Variants in DDX60L observed in about 807,000 individuals in gnomAD.
DDX60L encodes probable ATP-dependent RNA helicase DDX60-like.
In DDX60L, 191 loss-of-function variants were observed where a neutral mutation model predicts 211.6. The ratio of observed to expected loss-of-function variants is 0.90; its 90% CI spans 0.80 to 1.02. The LOEUF (loss-of-function observed/expected upper bound fraction) is 1.02. Among genes scored for constraint, DDX60L ranks in the 50% least tolerant of loss-of-function variants. The pLI, the probability that DDX60L is intolerant of heterozygous loss-of-function variation, is 0.00. For synonymous variants in DDX60L, 706 were observed against 694.1 expected (o/e 1.02, Z -0.27); for missense variants, 2,007 against 1,984.1 (o/e 1.01, Z -0.22).
In DDX60L at chr4:168,465,909, C is replaced by G. The variant is rs1757933535; in HGVS notation, c.265-3869G>C. Reference sequence around the variant, plus strand: ...TGGGTTACTAGAGCTTTGTGGAATACTTTGAAATCTAGTAGTGAAATACCC... The same window carrying G: ...TGGGTTACTAGAGCTTTGTGGAATAGTTTGAAATCTAGTAGTGAAATACCC... On this transcript the variant is annotated intron_variant, in intron 4 of 37. Coordinates refer to ENST00000682922, the MANE Select transcript of DDX60L (RefSeq NM_001012967.3). Among the ~76,000 whole-genome samples, 3 of 152,172 alleles carry G rather than the reference C, an allele frequency of 2.0e-5. No homozygotes were observed. The South Asian group carries it at 6.2e-4, about 32-fold the overall frequency.
intron 7 of DDX60L, among the ~76,000 whole-genome samples, chr4:168,455,486 A>G (rs1175238589): frequency 6.6e-6 from 1 of 152,202 alleles, no homozygotes; most frequent in East Asian, 1.9e-4. Flanking sequence ...AATCATTACA[A>G]GCTGTGGAGC....
chr4:168,453,073 C>A, intron 8 of DDX60L, 51 bp downstream of exon 8: 2 of 1,519,298 alleles, frequency 1.3e-6, no homozygotes, highest in South Asian at 1.3e-5. Flanking sequence ...TAAAGGTGAT[C>A]ATGGTTTTCA....
At chr4:168,456,470 A>G (rs886300595) in intron 6 of DDX60L, among the ~76,000 whole-genome samples, 1 of 152,194 alleles carries the variant, frequency 6.6e-6, no homozygotes, top group Admixed American at 6.5e-5. Context: ...ATCCCATTTT[A>G]CTAAAAATCA....
chr4:168,461,044 G>A (rs971354605), intron 5 of DDX60L, among the ~76,000 whole-genome samples: 1 of 152,130 alleles, frequency 6.6e-6, no homozygotes, highest in South Asian at 2.1e-4. Flanking sequence ...TCCCAACCTG[G>A]GAGTTGAACA....
Position 168,375,530 on chromosome 4 carries a change from G to C in DDX60L, c.4486-6C>G, listed in dbSNP as rs373815155. 23 of 1,577,832 alleles carry C rather than the reference G, an allele frequency of 1.5e-5. No individual in the cohort carries two copies. The African/African-American group carries it at 2.7e-4, about 19-fold the overall frequency. On this transcript the variant is annotated splice_polypyrimidine_tract_variant and splice_region_variant and intron_variant, in intron 33 of 37. Coordinates refer to ENST00000682922, the MANE Select transcript of DDX60L (RefSeq NM_001012967.3). ...GGGAGTTCGGCAAGGATCACCTATG[G>C]GCGAAATACATTTCAGAAAGATCTC...
rs1741444636 is a variant in DDX60L at position 168,373,762 on chromosome 4, C to G, written c.4680G>C (p.Leu1560Phe). The G allele has an allele frequency of 6.2e-7, 1 of 1,614,076 alleles. No individual in the cohort carries two copies. The highest frequency in any genetic ancestry group is 1.7e-5 in the Admixed American group (1 of 60,014). The change falls in exon 35 of 38, where the codon TTG becomes TTC. Residue 1560 changes from leucine to phenylalanine, a missense_variant. Transcript: ENST00000682922. ...CTACTCTTCCTTTCTTGCAGCTCAT[C>G]AAGTGAGACACGAGTTGGGAGTCTT... Reference protein sequence around the residue: ...ECEDSQLVSHLMSCKKGRVAI... With the variant: ...ECEDSQLVSHFMSCKKGRVAI...
At chr4:168,395,930 C>A (rs1826028) in intron 27 of DDX60L, 29 bp downstream of exon 27, 826,835 of 1,445,978 alleles carry the variant, frequency 0.57, 237,748 homozygotes, top group East Asian at 0.61. Flanking sequence ...ACAACTGTAA[C>A]GTATTATATT....
chr4:168,397,546 T>A (rs1300590276), intron 26 of DDX60L, among the ~76,000 whole-genome samples: 1 of 152,216 alleles, frequency 6.6e-6, no homozygotes, highest in Non-Finnish European at 1.5e-5. Context: ...AGCAGATTTA[T>A]GAGCTAACAG....
At chr4:168,386,415 C>A (rs943294521) in intron 29 of DDX60L, among the ~76,000 whole-genome samples, 1 of 152,010 alleles carries the variant, frequency 6.6e-6, no homozygotes, top group Non-Finnish European at 1.5e-5. Context: ...ATGTCAAGGA[C>A]CAACTATTTG....
intron 34 of DDX60L, 108 bp from the exon 35 acceptor site, chr4:168,373,916 G>T: frequency 9.2e-7 from 1 of 1,089,412 alleles, no homozygotes; most frequent in Non-Finnish European, 1.3e-6. Flanking sequence ...CATCTCATCA[G>T]AATGAAAACT....
At chr4:168,456,963 G>A (rs1482197481) in intron 6 of DDX60L, among the ~76,000 whole-genome samples, 1 of 151,936 alleles carries the variant, frequency 6.6e-6, no homozygotes, top group African/African-American at 2.4e-5. Flanking sequence ...ATAATCCCAA[G>A]ACTTTGGGAG....
rs1561051219 is a variant in DDX60L, at chr4:168,427,281, C to T, written c.1719G>A (p.Lys573=). 6.2e-7 allele frequency: 1 copy of T among 1,613,628 alleles called. No individual in the cohort carries two copies. Among genetic ancestry groups the T allele is most frequent in the South Asian group, 1.1e-5 (1 of 91,052 alleles). The change falls in exon 14 of 38, where the codon AAG becomes AAA. Residue 573 remains lysine, a synonymous_variant. Transcript: ENST00000682922. ...PHQITKKSKK[K]SFLKEDQNKA... is the part of the protein sequence containing the mutation. ...TGTTCTGATCTTCTTTGAGAAATGA[C>T]TTTTTCTTACTCTTTTTGGTAATTT... is the stretch of plus-strand genomic sequence containing the variant.
intron 28 of DDX60L, among the ~76,000 whole-genome samples, 163 bp downstream of exon 28, chr4:168,394,302 C>T (rs181778534): frequency 6.6e-6 from 1 of 152,002 alleles, no homozygotes; most frequent in Non-Finnish European, 1.5e-5. Flanking sequence ...TTTTTAAACT[C>T]CTCTAATAAA....
At chr4:168,450,102 A>AATT (rs1311114462) in intron 8 of DDX60L, among the ~76,000 whole-genome samples, 1 of 152,204 alleles carries the variant, frequency 6.6e-6, no homozygotes, top group Non-Finnish European at 1.5e-5. Flanking sequence ...AAAGATTAGA[A>AATT]ATTATGGCTT....
intron 29 of DDX60L, among the ~76,000 whole-genome samples, chr4:168,386,394 G>A (rs567993653): frequency 6.6e-6 from 1 of 152,242 alleles, no homozygotes; most frequent in African/African-American, 2.4e-5. Flanking sequence ...GAAAGGCTTC[G>A]TGGAAGAGGT....
chr4:168,465,268 T>C (rs1215602050), intron 4 of DDX60L, among the ~76,000 whole-genome samples: 3 of 152,150 alleles, frequency 2.0e-5, no homozygotes, highest in Admixed American at 6.5e-5. Flanking sequence ...CTTTCATACA[T>C]GTGTTGGCTA....
chr4:168,400,015 C>T (rs1746514038), intron 26 of DDX60L, among the ~76,000 whole-genome samples: 1 of 152,126 alleles, frequency 6.6e-6, no homozygotes, highest in Non-Finnish European at 1.5e-5. Context: ...CCTTTTCCTC[C>T]CACCCTCCAC....
intron 22 of DDX60L, among the ~76,000 whole-genome samples, chr4:168,407,666 C>G (rs796666363): frequency 6.6e-6 from 1 of 152,262 alleles, no homozygotes; most frequent in African/African-American, 2.4e-5. Context: ...GGAACCCTTC[C>G]TTTAAAAAAT....
intron 9 of DDX60L, among the ~76,000 whole-genome samples, chr4:168,445,610 C>T (rs1005144029): frequency 1.3e-5 from 2 of 152,036 alleles, no homozygotes; most frequent in African/African-American, 4.8e-5. Context: ...CCTTGATGAA[C>T]ATTGATGCAA....
Sources: gnomAD v4.1 joint callset for allele counts (sites outside exome capture counted in the v4.1 genomes callset) on GRCh38, gnomAD v4.1.1 for gene constraint, MANE v1.5 for transcripts, NCBI Gene and HGNC (gene_info 2026-07-23, HGNC 2026-07-21) for gene names.